Variants in ZNF423 observed in about 807,000 individuals in gnomAD.
ZNF423 encodes Ebf-associated zinc finger protein.
Under a neutral mutation model 95.8 loss-of-function variants are expected in ZNF423, and 12 were observed. The observed-to-expected ratio is 0.13, with a 90% CI of 0.08 to 0.20. The LOEUF is 0.20. Among genes scored for constraint, ZNF423 ranks in the 10% least tolerant of loss-of-function variants. The pLI, the probability that ZNF423 is intolerant of heterozygous loss-of-function variation, is 1.00. For synonymous variants in ZNF423, 749 were observed against 711.9 expected (o/e 1.05, Z -0.83); for missense variants, 1,316 against 1,737.1 (o/e 0.76, Z 4.31).
Position 49,490,627 on chromosome 16 carries a change from A to G in ZNF423, c.*648T>C, listed in dbSNP as rs1966919839. On this transcript the variant is annotated 3_prime_UTR_variant, in exon 8 of 8. Transcript: ENST00000563137. The stretch of plus-strand genomic sequence containing the variant: ...GATGCTAATCGCATGGATTCCCTTT[A>G]TTGAACTGTACTAGTTACTGCAGTC... The G allele has an allele frequency of 6.6e-6, 1 of 152,630 alleles. No individual in the cohort carries two copies. The highest frequency in any genetic ancestry group is 2.4e-5 in the African/African-American group (1 of 41,438). The allele number at this position is 152,630 out of a possible 1,614,324, so 9.5% of individuals were successfully genotyped here.
At chr16:49,512,355 C>T (rs1031152268) in intron 7 of ZNF423, among the ~76,000 whole-genome samples, 1 of 152,226 alleles carries the variant, frequency 6.6e-6, no homozygotes, top group Non-Finnish European at 1.5e-5. Flanking sequence ...GACCCAGACC[C>T]AATGCTGGGA....
chr16:49,530,063 T>A (rs1968783153), intron 5 of ZNF423, among the ~76,000 whole-genome samples: 2 of 152,158 alleles, frequency 1.3e-5, no homozygotes, highest in South Asian at 4.1e-4. Context: ...CCGGGAACAC[T>A]TGGGTTTGAG....
At chr16:49,604,043 C>T (rs530280933) in intron 5 of ZNF423, among the ~76,000 whole-genome samples, 20 of 152,302 alleles carry the variant, frequency 1.3e-4, no homozygotes, top group Non-Finnish European at 1.6e-4. Context: ...TGTTCTCGTA[C>T]GATACCGGTG....
intron 3 of ZNF423, among the ~76,000 whole-genome samples, chr16:49,706,915 G>A (rs575924903): frequency 6.6e-6 from 1 of 152,292 alleles, no homozygotes; most frequent in East Asian, 1.9e-4. Context: ...CCAGGAAGGA[G>A]AAACCTATAA....
At chr16:49,511,858 C>G (rs1371999822) in intron 7 of ZNF423, among the ~76,000 whole-genome samples, 6 of 152,168 alleles carry the variant, frequency 3.9e-5, no homozygotes, top group African/African-American at 1.4e-4. Context: ...CTTAGAGACA[C>G]AGACCAACTG....
At chr16:49,600,818 T>A (rs572735634) in intron 5 of ZNF423, among the ~76,000 whole-genome samples, 1 of 152,240 alleles carries the variant, frequency 6.6e-6, no homozygotes, top group African/African-American at 2.4e-5. Flanking sequence ...AAGATACTAA[T>A]GACTACCACA....
At chr16:49,536,349 T>G (rs975505240) in intron 5 of ZNF423, among the ~76,000 whole-genome samples, 1 of 151,718 alleles carries the variant, frequency 6.6e-6, no homozygotes, top group African/African-American at 2.4e-5. Flanking sequence ...AATGACTGAC[T>G]TCTATTGAAA....
intron 3 of ZNF423, among the ~76,000 whole-genome samples, chr16:49,664,958 G>A (rs201233690): frequency 6.6e-6 from 1 of 152,244 alleles, no homozygotes; most frequent in Admixed American, 6.5e-5. Context: ...CTGCTTGCCT[G>A]TAAGTGCTGT....
chr16:49,566,137 C>T (rs940760907), intron 5 of ZNF423, among the ~76,000 whole-genome samples: 3 of 152,308 alleles, frequency 2.0e-5, no homozygotes, highest in East Asian at 3.9e-4. Flanking sequence ...CCCAGACTTC[C>T]ATCACCAGCG....
intron 5 of ZNF423, among the ~76,000 whole-genome samples, chr16:49,550,558 G>T (rs1490559629): frequency 6.6e-6 from 1 of 152,248 alleles, no homozygotes; most frequent in Non-Finnish European, 1.5e-5. Flanking sequence ...CAAAGCCCAG[G>T]CCTCCAGCTC....
chr16:49,560,662 T>C (rs201577971), intron 5 of ZNF423, among the ~76,000 whole-genome samples: 15 of 152,200 alleles, frequency 9.9e-5, no homozygotes, highest in African/African-American at 3.4e-4. Context: ...TCCAGGGACC[T>C]TATGAAAGTG....
At chr16:49,550,532 G>A (rs1169629419) in intron 5 of ZNF423, among the ~76,000 whole-genome samples, 1 of 152,256 alleles carries the variant, frequency 6.6e-6, no homozygotes. Flanking sequence ...ACACAAGTCT[G>A]TGGCCCAGCC....
intron 3 of ZNF423, among the ~76,000 whole-genome samples, chr16:49,709,133 C>T (rs1035091957): frequency 1.4e-5 from 2 of 144,600 alleles, no homozygotes; most frequent in African/African-American, 5.1e-5. Flanking sequence ...CCAGAAAAGA[C>T]AAACGCATAA....
chr16:49,712,981 T>C lies in ZNF423; in HGVS notation c.301+17790A>G, dbSNP rs1402627292. ...CAGAAAATGGATTTAATCAGAATGA[T>C]AACTGATTCATGTCGCCATTTATGC... On this transcript the variant is annotated intron_variant, in intron 3 of 7. Coordinates refer to ENST00000563137, the MANE Select transcript of ZNF423 (RefSeq NM_001379286.1). 3.9e-5 allele frequency among the ~76,000 whole-genome samples: 6 copies of C among 152,378 alleles called. No homozygotes were observed. In the East Asian group the frequency reaches 1.2e-3, roughly 29 times the overall value.
intron 3 of ZNF423, among the ~76,000 whole-genome samples, chr16:49,697,349 G>GT (rs2032013385): frequency 6.6e-6 from 1 of 152,228 alleles, no homozygotes; most frequent in East Asian, 1.9e-4. Flanking sequence ...AGCACATGAT[G>GT]TTTTTTAAAA....
intron 5 of ZNF423, among the ~76,000 whole-genome samples, chr16:49,599,865 G>A (rs1262406616): frequency 6.6e-6 from 1 of 152,152 alleles, no homozygotes; most frequent in East Asian, 1.9e-4. Flanking sequence ...GGGGTACAGG[G>A]GTATCAGCTA....
At chr16:49,672,711 G>T in intron 3 of ZNF423, among the ~76,000 whole-genome samples, 1 of 152,130 alleles carries the variant, frequency 6.6e-6, no homozygotes. Context: ...AGCTACTCGC[G>T]AGGCTGAGGC....
intron 2 of ZNF423, among the ~76,000 whole-genome samples, chr16:49,787,702 C>T (rs1025586297): frequency 5.3e-5 from 8 of 152,166 alleles, no homozygotes; most frequent in Non-Finnish European, 7.4e-5. Flanking sequence ...CTTGACACCC[C>T]CCCTGCCCAG....
At chr16:49,696,561 C>A (rs2031979385) in intron 3 of ZNF423, among the ~76,000 whole-genome samples, 2 of 152,182 alleles carry the variant, frequency 1.3e-5, no homozygotes, top group South Asian at 4.1e-4. Context: ...CCTGGCTGGC[C>A]TCTCCCCTAG....
Sources: gnomAD v4.1 joint callset for allele counts (sites outside exome capture counted in the v4.1 genomes callset) on GRCh38, gnomAD v4.1.1 for gene constraint, MANE v1.5 for transcripts, NCBI Gene and HGNC (gene_info 2026-07-23, HGNC 2026-07-21) for gene names.